The following CEP128 variants were observed in gnomAD, a reference collection of about 807,000 sequenced individuals.
CEP128 encodes centrosomal protein 128kDa.
In CEP128, 132 loss-of-function variants were observed where a neutral mutation model predicts 156.7. The ratio of observed to expected loss-of-function variants is 0.84; its 90% CI spans 0.73 to 0.97. The LOEUF (loss-of-function observed/expected upper bound fraction) is 0.97, where lower values mean the gene tolerates loss of function less well. CEP128 is among the 50% of genes least tolerant of loss of function. The pLI is 0.00. For synonymous variants in CEP128, 469 were observed against 448.9 expected (o/e 1.04, Z -0.57); for missense variants, 1,252 against 1,281.9 (o/e 0.98, Z 0.36).
At chr14:80,823,959 G>A (rs972630407) in intron 13 of CEP128, among the ~76,000 whole-genome samples, 2 of 152,262 alleles carry the variant, frequency 1.3e-5, no homozygotes, top group Non-Finnish European at 2.9e-5. Flanking sequence ...CCCTGCCTCT[G>A]CAGCAAGCTT....
intron 19 of CEP128, among the ~76,000 whole-genome samples, chr14:80,581,910 T>C (rs1891609478): frequency 6.6e-6 from 1 of 152,210 alleles, no homozygotes; most frequent in Non-Finnish European, 1.5e-5. Context: ...ACTTCTTGCA[T>C]CTGGGCTGGC....
intron 20 of CEP128, among the ~76,000 whole-genome samples, chr14:80,564,295 A>T (rs538759775): frequency 6.6e-6 from 1 of 152,350 alleles, no homozygotes; most frequent in South Asian, 2.1e-4. Context: ...GAGCAGTGCT[A>T]ATAGCTGTTC....
intron 19 of CEP128, among the ~76,000 whole-genome samples, chr14:80,678,301 G>T (rs188989367): frequency 6.7e-6 from 1 of 149,812 alleles, no homozygotes; most frequent in East Asian, 2.0e-4. Context: ...TAATATAAAA[G>T]ATCATCTATC....
In CEP128 at chr14:80,701,208, T is replaced by C. The variant is rs139779697; in HGVS notation, c.2806+41867A>G. On this transcript the variant is annotated intron_variant, in intron 19 of 24. Coordinates refer to ENST00000555265, the MANE Select transcript of CEP128 (RefSeq NM_152446.5). ...GAAGACTCAAGACTTAATCTGTGGA[T>C]GAGTCTTTGGTTCCTGTGTAGCCTG... 2.6e-3 allele frequency among the ~76,000 whole-genome samples: 398 copies of C among 152,248 alleles called. 2 individuals carry two copies. The highest frequency in any genetic ancestry group is 9.1e-3 in the African/African-American group (377 of 41,566).
intron 2 of CEP128, among the ~76,000 whole-genome samples, chr14:80,950,906 G>GAAAAAAAA (rs59969729): frequency 8.7e-6 from 1 of 115,052 alleles, no homozygotes; most frequent in Non-Finnish European, 1.9e-5. Flanking sequence ...TCCCGAGTAA[G>GAAAAAAAA]AAAAAAAAAA....
At chr14:80,790,208 C>T (rs1230513929) in intron 14 of CEP128, among the ~76,000 whole-genome samples, 1 of 151,832 alleles carries the variant, frequency 6.6e-6, no homozygotes, top group Non-Finnish European at 1.5e-5. Context: ...TCTGCCAATT[C>T]AGCAGGGGAA....
chr14:80,699,724 A>G (rs1189475146), intron 19 of CEP128, among the ~76,000 whole-genome samples: 1 of 152,142 alleles, frequency 6.6e-6, no homozygotes, highest in Admixed American at 6.6e-5. Flanking sequence ...GAAATCTACA[A>G]CTTCCCAGAT....
At chr14:80,837,831 G>A (rs891839855) in intron 11 of CEP128, among the ~76,000 whole-genome samples, 2 of 152,352 alleles carry the variant, frequency 1.3e-5, no homozygotes, top group Non-Finnish European at 2.9e-5. Context: ...GCAAAGGTCT[G>A]CTGCATGTAG....
intron 15 of CEP128, 53 bp downstream of exon 15, chr14:80,784,842 T>C: frequency 7.0e-7 from 1 of 1,430,284 alleles, no homozygotes; most frequent in Non-Finnish European, 9.5e-7. Context: ...ATTAACTTCA[T>C]GAGCCACCAG....
chr14:80,649,871 T>C (rs1291686183), intron 19 of CEP128, among the ~76,000 whole-genome samples: 1 of 152,192 alleles, frequency 6.6e-6, no homozygotes, highest in African/African-American at 2.4e-5. Flanking sequence ...CTTTGTTCTT[T>C]TCGCTTAGGA....
At chr14:80,811,997 G>A (rs972387451) in intron 13 of CEP128, among the ~76,000 whole-genome samples, 1 of 152,084 alleles carries the variant, frequency 6.6e-6, no homozygotes, top group African/African-American at 2.4e-5. Flanking sequence ...CATGTCATGG[G>A]GATTTACATA....
At chr14:80,593,083 C>A (rs569399307) in intron 19 of CEP128, among the ~76,000 whole-genome samples, 44 of 152,226 alleles carry the variant, frequency 2.9e-4, no homozygotes, top group African/African-American at 8.9e-4. Flanking sequence ...CCTTTGAAAA[C>A]TGGCACAAGA....
intron 21 of CEP128, among the ~76,000 whole-genome samples, chr14:80,558,310 T>C (rs1389266844): frequency 3.3e-5 from 5 of 152,036 alleles, no homozygotes; most frequent in Non-Finnish European, 2.9e-5. Flanking sequence ...TTTTTTTTTT[T>C]GAGACAGAGT....
chr14:80,822,529 C>T, intron 13 of CEP128: 1 of 654,738 alleles, frequency 1.5e-6, no homozygotes, highest in South Asian at 1.4e-5. Flanking sequence ...CCACCATGCC[C>T]AAGAGAAAGG....
At chr14:80,738,184 A>C (rs1364931223) in intron 19 of CEP128, among the ~76,000 whole-genome samples, 1 of 152,210 alleles carries the variant, frequency 6.6e-6, no homozygotes, top group African/African-American at 2.4e-5. Context: ...GTAAACCAAT[A>C]TATAAATAAT....
chr14:80,853,085 A>T (rs935710573), intron 9 of CEP128, among the ~76,000 whole-genome samples: 2 of 151,882 alleles, frequency 1.3e-5, no homozygotes, highest in Non-Finnish European at 2.9e-5. Context: ...CCCATTCATG[A>T]TTTTTAAAAT....
In CEP128 at chr14:80,777,272, A is replaced by G. The variant is rs150443313; in HGVS notation, c.2376+610T>C. Among the ~76,000 whole-genome samples the G allele has an allele frequency of 2.1e-3, 323 of 152,258 alleles. 2 individuals are homozygous for G. Among genetic ancestry groups the G allele is most frequent in the African/African-American group, 7.6e-3 (314 of 41,550 alleles). Reference sequence around the variant, plus strand: ...TGGGAGGTGAATGGGTAGAACCCTTATGAATAGGATTAATGCCCTTATAAA... The same window carrying G: ...TGGGAGGTGAATGGGTAGAACCCTTGTGAATAGGATTAATGCCCTTATAAA... On this transcript the variant is annotated intron_variant, in intron 16 of 24. Coordinates refer to ENST00000555265, the MANE Select transcript of CEP128 (RefSeq NM_152446.5).
At chr14:80,847,170 C>CA (rs1296087255) in intron 9 of CEP128, among the ~76,000 whole-genome samples, 2 of 152,050 alleles carry the variant, frequency 1.3e-5, no homozygotes, top group Non-Finnish European at 2.9e-5. Flanking sequence ...GTTTTAGTGT[C>CA]ATCTGTAAGA....
At chr14:80,955,799 C>T (rs773044895) in intron 2 of CEP128, 1 of 1,614,204 alleles carries the variant, frequency 6.2e-7, no homozygotes, top group Non-Finnish European at 8.5e-7. Context: ...TTCAGAGTCA[C>T]CTGCAAGGAT....
Sources: allele counts gnomAD v4.1 joint callset (sites outside exome capture counted in the v4.1 genomes callset), GRCh38; gene constraint gnomAD v4.1.1; transcripts MANE v1.5; gene names NCBI Gene and HGNC (gene_info 2026-07-23, HGNC 2026-07-21).